Variants in LHX6 observed in about 807,000 individuals in gnomAD.
LHX6 encodes the protein LIM/homeobox protein Lhx6.
Under a neutral mutation model 47.1 loss-of-function variants are expected in LHX6, and 15 were observed. The observed-to-expected ratio is 0.32, with a 90% CI of 0.21 to 0.49. The LOEUF is 0.49. LHX6 is among the 20% of genes least tolerant of loss of function. The pLI, the probability that LHX6 is intolerant of heterozygous loss-of-function variation, is 0.99. For missense variants in LHX6, 404 were observed against 539.6 expected, an observed-to-expected ratio of 0.75 and a Z score of 2.49; for synonymous variants, 242 against 233.5, an observed-to-expected ratio of 1.04 and a Z score of -0.33.
At position 122,204,706 on chromosome 9, in the gene LHX6, G is replaced by A. The variant is rs750075092; in HGVS notation, c.*54C>T. 1.2e-5 allele frequency: 19 copies of A among 1,590,394 alleles called. No individual in the cohort carries two copies. Among genetic ancestry groups the A allele is most frequent in the East Asian group, 9.3e-5 (4 of 43,130 alleles). On this transcript the variant is annotated 3_prime_UTR_variant, in exon 10 of 10. Transcript: ENST00000394319. ...CGCAGCTTGGACACTGGATCTCAGC[G>A]GCTGAGGGGCAGCTGTGGGGCGCCC... is the stretch of plus-strand genomic sequence containing the variant.
At chr9:122,228,263 A>C (rs1168674997) in intron 1 of LHX6, 1 of 1,534,898 alleles carries the variant, frequency 6.5e-7, no homozygotes, top group Admixed American at 2.0e-5. Context: ...GAGGCGCTCA[A>C]GGGGAGGAAA....
intron 4 of LHX6, among the ~76,000 whole-genome samples, chr9:122,225,964 G>A (rs1451525169): frequency 1.3e-5 from 2 of 152,210 alleles, no homozygotes; most frequent in African/African-American, 2.4e-5. Flanking sequence ...GTCCGAGTAG[G>A]GTTGGAACTC....
chr9:122,207,728 T>C (rs1223671180), intron 9 of LHX6, among the ~76,000 whole-genome samples: 1 of 152,118 alleles, frequency 6.6e-6, no homozygotes, highest in Non-Finnish European at 1.5e-5. Flanking sequence ...GCTCAGTACA[T>C]ACTAGGTGTA....
chr9:122,207,265 G>A (rs1003736471), intron 9 of LHX6, among the ~76,000 whole-genome samples: 2 of 152,166 alleles, frequency 1.3e-5, no homozygotes, highest in African/African-American at 2.4e-5. Context: ...GGAGGTCATC[G>A]CAATCACCCT....
Position 122,226,848 on chromosome 9 carries a change from C to A in LHX6, c.339G>T (p.Lys113Asn). 1 of 1,563,202 alleles carries A rather than the reference C, an allele frequency of 6.4e-7. No individual in the cohort carries two copies. Among genetic ancestry groups the A allele is most frequent in the Non-Finnish European group, 8.7e-7 (1 of 1,153,974 alleles). Residue 113 changes from lysine to asparagine, a missense_variant and splice_region_variant, in exon 3 of 10, where the codon AAG (lysine) becomes AAT (asparagine). Physicochemically the swap from Lys to Asn is moderately conservative, Grantham distance 94. Transcript: ENST00000394319. The surrounding 1 kb of genome is among the most constrained non-coding windows in gnomAD (Gnocchi z 6.5). ...CACGCAACACCTACCCCTGTCTCAC[C>A]TTGAGCAGATATCGGTCCAGGATCT... ...GLEILDRYLL[K>N]VNNLIWHVRC...
At chr9:122,219,884 C>T (rs1830766316) in intron 4 of LHX6, among the ~76,000 whole-genome samples, 1 of 152,234 alleles carries the variant, frequency 6.6e-6, no homozygotes, top group Non-Finnish European at 1.5e-5. Flanking sequence ...TCTGGCAGCG[C>T]CGCGTCCTCT....
chr9:122,213,850 C>CGG lies in LHX6; in HGVS notation c.880-72_880-71dup. On this transcript the variant is annotated intron_variant, in intron 7 of 9. Transcript: ENST00000394319. The surrounding 1 kb of genome is among the most constrained non-coding windows in gnomAD (Gnocchi z 5.5). ...GGACGCGCCGCCGGGAGACCCCAGG[C>CGG]GGGACTGCCTCGTCGCCTCCTGGAG... 6.5e-7 allele frequency: 1 copy of CGG among 1,531,530 alleles called. No individual in the cohort carries two copies. Among genetic ancestry groups the CGG allele is most frequent in the Admixed American group, 2.0e-5 (1 of 51,152 alleles). 94.9% of individuals were successfully genotyped at this position (1,531,530 alleles called of 1,614,324 possible).
intron 1 of LHX6, chr9:122,228,071 G>A: frequency 1.7e-6 from 1 of 580,966 alleles, no homozygotes; most frequent in Non-Finnish European, 3.0e-6. Context: ...GCGGAGGGTG[G>A]TTGAAGAAAA....
At chr9:122,208,740 C>T (rs1195687204) in intron 9 of LHX6, among the ~76,000 whole-genome samples, 2 of 150,092 alleles carry the variant, frequency 1.3e-5, no homozygotes, top group African/African-American at 2.5e-5. Flanking sequence ...GAGGCTGAGG[C>T]AGGAGAATCA....
At position 122,214,278 on chromosome 9, in the gene LHX6, G is replaced by T. The variant is rs754431914; in HGVS notation, c.783+5C>A. On this transcript the variant is annotated splice_donor_5th_base_variant and intron_variant, in intron 6 of 9. Coordinates refer to ENST00000394319, the MANE Select transcript of LHX6 (RefSeq NM_014368.5). The surrounding 1 kb of genome is among the most constrained non-coding windows in gnomAD (Gnocchi z 4.6). Reference sequence around the variant, plus strand: ...GCCCCCGCCGCCCACTGCTTGCAGCGGTACCTGCAGCTGTTCCGCGGTGAA... The same window carrying T: ...GCCCCCGCCGCCCACTGCTTGCAGCTGTACCTGCAGCTGTTCCGCGGTGAA... The T allele has an allele frequency of 6.3e-6, 10 of 1,590,550 alleles. No individual in the cohort carries two copies. The East Asian group carries it at 1.4e-4, about 22-fold the overall frequency.
At position 122,213,815 on chromosome 9, in the gene LHX6, G is replaced by A; in HGVS notation, c.880-35C>T. On this transcript the variant is annotated intron_variant, in intron 7 of 9. Coordinates refer to ENST00000394319, the MANE Select transcript of LHX6 (RefSeq NM_014368.5). The surrounding 1 kb of genome is among the most constrained non-coding windows in gnomAD (Gnocchi z 5.5). Reference sequence around the variant, plus strand: ...CAGCCTCGGCAGCCTCAGCCTCGAGGAAAAGAGTCGGACGCGCCGCCGGGA... The same window carrying A: ...CAGCCTCGGCAGCCTCAGCCTCGAGAAAAAGAGTCGGACGCGCCGCCGGGA... 2 of 1,556,616 alleles carry A rather than the reference G, an allele frequency of 1.3e-6. No individual in the cohort carries two copies. Among genetic ancestry groups the A allele is most frequent in the Non-Finnish European group, 1.7e-6 (2 of 1,151,178 alleles).
intron 1 of LHX6, chr9:122,228,128 C>T (rs939102151): frequency 1.5e-6 from 1 of 668,988 alleles, no homozygotes; most frequent in Non-Finnish European, 2.4e-6. Context: ...CCGCCTGACA[C>T]GCGCGGCGAA....
At chr9:122,221,534 G>A in intron 4 of LHX6, 8 of 985,720 alleles carry the variant, frequency 8.1e-6, no homozygotes, top group Non-Finnish European at 8.4e-6. Flanking sequence ...GCTGGGAAGA[G>A]GAACTTTAGC....
chr9:122,216,927 C>A, intron 5 of LHX6, 141 bp downstream of exon 5: 1 of 675,410 alleles, frequency 1.5e-6, no homozygotes, highest in East Asian at 2.7e-5. Flanking sequence ...ATCTGTTCGC[C>A]GCCCCACCCC....
chr9:122,227,722 T>C, intron 1 of LHX6: 1 of 775,996 alleles, frequency 1.3e-6, no homozygotes, highest in South Asian at 3.0e-5. Context: ...CCGTGGCTCT[T>C]GAAGTAATCG....
intron 5 of LHX6, among the ~76,000 whole-genome samples, chr9:122,216,835 A>G (rs909592414): frequency 3.3e-5 from 5 of 152,186 alleles, no homozygotes; most frequent in Admixed American, 6.5e-5. Flanking sequence ...TGTTAACGCC[A>G]TTTTACTGAT....
rs1417501556 is a variant in LHX6 at position 122,214,592 on chromosome 9, G to C, written c.683-209C>G. Among the ~76,000 whole-genome samples, 1 of 152,122 alleles carries C rather than the reference G, an allele frequency of 6.6e-6. No homozygotes were observed. Among genetic ancestry groups the C allele is most frequent in the African/African-American group, 2.4e-5 (1 of 41,426 alleles). ...AGTACTGGACACTTCTTACACGACT[G>C]GACCACGTCTTACAGCCCTAAGGAG... On this transcript the variant is annotated intron_variant, in intron 5 of 9. Coordinates refer to ENST00000394319, the MANE Select transcript of LHX6 (RefSeq NM_014368.5). The surrounding 1 kb of genome is among the most constrained non-coding windows in gnomAD (Gnocchi z 4.6).
chr9:122,211,641 C>T (rs1830401427), intron 8 of LHX6, among the ~76,000 whole-genome samples: 1 of 152,222 alleles, frequency 6.6e-6, no homozygotes, highest in South Asian at 2.1e-4. Flanking sequence ...GGTGCACACA[C>T]CCCCAACCTC....
chr9:122,226,690 G>GA lies in LHX6; in HGVS notation c.339+157_339+158insT, dbSNP rs1831115780. On this transcript the variant is annotated intron_variant, in intron 3 of 9. Transcript: ENST00000394319. This position sits in a 1 kb window ranked among gnomAD's most constrained non-coding sequence, Gnocchi z 6.5. The stretch of plus-strand genomic sequence containing the variant: ...CTTCTTATTTTTCAGACGGAACCCG[G>GA]GGGCTCAGGCAGACCCTAAGTCTTG... 8.3e-7 allele frequency: 1 copy of GA among 1,210,444 alleles called. No homozygotes were observed. The allele number at this position is 1,210,444 out of a possible 1,614,324, so 75.0% of individuals were successfully genotyped here.
Sources: gnomAD v4.1 joint callset for allele counts (sites outside exome capture counted in the v4.1 genomes callset) on GRCh38, gnomAD v4.1.1 for gene constraint, Gnocchi (gnomAD v3.1) non-coding constraint, MANE v1.5 for transcripts, NCBI Gene and HGNC (gene_info 2026-07-23, HGNC 2026-07-21) for gene names.